Variants in UPP2 observed in about 807,000 individuals in gnomAD.
The protein encoded by UPP2 is uridine phosphorylase 2, also known as UPase 2.
Under a neutral mutation model 26.7 loss-of-function variants are expected in UPP2, and 23 were observed. The observed-to-expected ratio is 0.86, with a 90% confidence interval of 0.62 to 1.22. UPP2 has a LOEUF of 1.22. Ranked by LOEUF, UPP2 falls within the 50% of genes most tolerant of loss-of-function variation. The pLI, the probability that UPP2 is intolerant of heterozygous loss-of-function variation, is 0.00. For synonymous variants in UPP2, 127 were observed against 141.3 expected (o/e 0.90, Z 0.72); for missense variants, 387 against 396.7 (o/e 0.98, Z 0.21).
At chr2:158,066,319 C>T (rs1422789363) in intron 3 of UPP2, among the ~76,000 whole-genome samples, 1 of 152,178 alleles carries the variant, frequency 6.6e-6, no homozygotes, top group Non-Finnish European at 1.5e-5. Context: ...GTCGTTTGTA[C>T]CAACTGACCT....
chr2:158,061,417 T>G (rs575413686), intron 3 of UPP2, among the ~76,000 whole-genome samples: 25 of 152,264 alleles, frequency 1.6e-4, no homozygotes, highest in Middle Eastern at 3.4e-3. Flanking sequence ...CTAGAAAGAG[T>G]GCAAAGATTT....
At chr2:158,102,197 G>A (rs1413533099) in intron 1 of UPP2, 72 bp downstream of exon 1, 2 of 1,549,186 alleles carry the variant, frequency 1.3e-6, no homozygotes, top group Non-Finnish European at 1.8e-6. Context: ...TAAATGATTA[G>A]ATAATGGGCC....
intron 3 of UPP2, among the ~76,000 whole-genome samples, chr2:158,079,177 C>T (rs113628685): frequency 0.018 from 2,675 of 152,196 alleles, 92 homozygotes; most frequent in African/African-American, 0.061. Flanking sequence ...AATTAAATAT[C>T]TTTCCTTTAT....
At chr2:158,013,743 A>G (rs1860164) in intron 2 of UPP2, among the ~76,000 whole-genome samples, 80,029 of 152,080 alleles carry the variant, frequency 0.53, 23,035 homozygotes, top group Admixed American at 0.7. Context: ...ACATATCTGG[A>G]CAAAAACACC....
At chr2:158,081,200 C>G (rs181243604) in intron 3 of UPP2, among the ~76,000 whole-genome samples, 1 of 152,084 alleles carries the variant, frequency 6.6e-6, no homozygotes, top group African/African-American at 2.4e-5. Flanking sequence ...CCAAACACTG[C>G]TTATGTCAAG....
intron 3 of UPP2, among the ~76,000 whole-genome samples, chr2:158,052,117 T>C (rs1682169298): frequency 6.6e-6 from 1 of 152,210 alleles, no homozygotes; most frequent in Admixed American, 6.5e-5. Context: ...ATGTGGGACA[T>C]ACTTAGACTA....
chr2:158,065,592 C>A, intron 3 of UPP2: 1 of 560,354 alleles, frequency 1.8e-6, no homozygotes, highest in Non-Finnish European at 3.5e-6. Context: ...CATACAAGAA[C>A]ATGAGGATTT....
At chr2:158,124,818 A>ATAAC (rs1683657537) in intron 6 of UPP2, among the ~76,000 whole-genome samples, 1 of 152,212 alleles carries the variant, frequency 6.6e-6, no homozygotes, top group Non-Finnish European at 1.5e-5. Flanking sequence ...TGAGGTTGCC[A>ATAAC]TAACTGGGAC....
At chr2:158,115,080 C>A (rs1245409685) in intron 2 of UPP2, 21 bp from the exon 3 acceptor site, 2 of 1,580,264 alleles carry the variant, frequency 1.3e-6, no homozygotes. Context: ...ATGGCAGGCC[C>A]TTGTTTATTT....
At chr2:158,068,040 G>C (rs553496771) in intron 3 of UPP2, among the ~76,000 whole-genome samples, 1 of 152,146 alleles carries the variant, frequency 6.6e-6, no homozygotes, top group African/African-American at 2.4e-5. Flanking sequence ...AAATAACTTT[G>C]AATAATCTTT....
intron 3 of UPP2, among the ~76,000 whole-genome samples, chr2:158,018,013 A>T (rs1165471861): frequency 6.6e-6 from 1 of 152,206 alleles, no homozygotes; most frequent in Non-Finnish European, 1.5e-5. Context: ...GTGAAGCCTC[A>T]TTTGGATGTA....
Position 158,086,403 on chromosome 2 carries a change from T to C in UPP2, c.148-15637T>C, listed in dbSNP as rs139515656. ...CTCTTCTTTTCTTGTTTCATCTCACTAGTGATCTATCAATTTTATTTATCT... is the reference window on the plus strand; with the variant it reads ...CTCTTCTTTTCTTGTTTCATCTCACCAGTGATCTATCAATTTTATTTATCT... On this transcript the variant is annotated intron_variant, in intron 3 of 9. Transcript: ENST00000605860. Among the ~76,000 whole-genome samples, 515 of 152,234 alleles carry C rather than the reference T, an allele frequency of 3.4e-3. 2 individuals are homozygous for C. Among genetic ancestry groups the C allele is most frequent in the African/African-American group, 0.012 (489 of 41,578 alleles).
At chr2:158,006,480 A>C (rs74558897) in intron 2 of UPP2, among the ~76,000 whole-genome samples, 1 of 142,750 alleles carries the variant, frequency 7.0e-6, no homozygotes, top group African/African-American at 2.9e-5. Flanking sequence ...CCGTCTCAAA[A>C]AAAAAAAAAA....
intron 2 of UPP2, among the ~76,000 whole-genome samples, chr2:158,012,263 CTTTTTTTTTTTTTTT>C (rs34807293): frequency 4.9e-5 from 4 of 81,632 alleles, no homozygotes; most frequent in Non-Finnish European, 9.2e-5. Flanking sequence ...TTGTTTCTAC[CTTTTTTTTTTTTTTT>C]TTTTTTTTTT....
chr2:158,102,275 A>G (rs1683092581), intron 1 of UPP2, 150 bp downstream of exon 1: 2 of 793,152 alleles, frequency 2.5e-6, no homozygotes, highest in South Asian at 3.4e-5. Context: ...AAGCAATAAA[A>G]ACAGTGGAAA....
At position 158,010,688 on chromosome 2, in the gene UPP2, GCA is replaced by G. The variant is rs1302831444; in HGVS notation, c.62-5110_62-5109del. 9.2e-5 allele frequency among the ~76,000 whole-genome samples: 14 copies of G among 152,186 alleles called. No individual in the cohort carries two copies. In the East Asian group the frequency reaches 2.5e-3, roughly 27 times the overall value. ...TTGTTTGCATTAATGTTAAGTGAAG[GCA>G]CAGTTATATTAATAGGTAAAAGGTA... On this transcript the variant is annotated intron_variant, in intron 2 of 9. Transcript: ENST00000605860.
At chr2:158,085,401 G>T (rs1262194622) in intron 3 of UPP2, among the ~76,000 whole-genome samples, 2 of 152,050 alleles carry the variant, frequency 1.3e-5, no homozygotes, top group Non-Finnish European at 2.9e-5. Context: ...AAGCTTTTTG[G>T]AGGAGTCTTT....
intron 3 of UPP2, among the ~76,000 whole-genome samples, chr2:158,023,713 C>A (rs765774698): frequency 1.3e-5 from 2 of 151,824 alleles, no homozygotes; most frequent in African/African-American, 2.4e-5. Context: ...TTCTAACTGC[C>A]TTTTGCTGCT....
At chr2:158,086,467 A>AT (rs981401295) in intron 3 of UPP2, among the ~76,000 whole-genome samples, 8 of 150,978 alleles carry the variant, frequency 5.3e-5, no homozygotes, top group Non-Finnish European at 8.9e-5. Flanking sequence ...TATCTTTTGT[A>AT]TTTTTTTTGT....
Sources: gnomAD v4.1 joint callset for allele counts (sites outside exome capture counted in the v4.1 genomes callset) on GRCh38, gnomAD v4.1.1 for gene constraint, MANE v1.5 for transcripts, NCBI Gene and HGNC (gene_info 2026-07-23, HGNC 2026-07-21) for gene names.